PC: variants seen among roughly 807,000 people sequenced by gnomAD.
PC encodes pyruvate carboxylase, also known as pyruvate carboxylase, mitochondrial.
Under a neutral mutation model 107.8 loss-of-function variants are expected in PC, and 46 were observed. The ratio of observed to expected loss-of-function variants is 0.43; its 90% CI spans 0.34 to 0.55. The LOEUF is 0.55. PC is among the 20% of genes least tolerant of loss of function. The pLI is 0.04. For synonymous variants in PC, 662 were observed against 684.7 expected (o/e 0.97, Z 0.52); for missense variants, 1,241 against 1,643.1 (o/e 0.76, Z 4.23).
At chr11:66,888,636 T>A (rs1017521284) in intron 3 of PC, among the ~76,000 whole-genome samples, 2 of 152,186 alleles carry the variant, frequency 1.3e-5, no homozygotes, top group South Asian at 4.1e-4. Flanking sequence ...AAAGGCAGAT[T>A]ACCTGGTGTC....
At chr11:66,947,765 C>G (rs529377797) in intron 3 of PC, among the ~76,000 whole-genome samples, 1 of 151,316 alleles carries the variant, frequency 6.6e-6, no homozygotes, top group Admixed American at 6.6e-5. Context: ...GGAGTCGAGA[C>G]CAGCCTGGCC....
At chr11:66,949,236 C>T (rs1949380211) in intron 3 of PC, among the ~76,000 whole-genome samples, 2 of 151,574 alleles carry the variant, frequency 1.3e-5, no homozygotes, top group African/African-American at 4.8e-5. Flanking sequence ...TCGTGATCTG[C>T]CCGCCTTGGC....
intron 3 of PC, among the ~76,000 whole-genome samples, chr11:66,929,015 ACTATTTATTGAATG>A (rs1045584963): frequency 2.6e-5 from 4 of 152,136 alleles, no homozygotes; most frequent in African/African-American, 9.7e-5. Flanking sequence ...CCCTATCTGT[ACTATTTATTGAATG>A]CTAGAATGGA....
Sources: gnomAD v4.1 joint callset for allele counts (sites outside exome capture counted in the v4.1 genomes callset) on GRCh38, gnomAD v4.1.1 for gene constraint, MANE v1.5 for transcripts, NCBI Gene and HGNC (gene_info 2026-07-23, HGNC 2026-07-21) for gene names.